PLEKHA7: variants seen among roughly 807,000 people sequenced by gnomAD.
The protein encoded by PLEKHA7 is pleckstrin homology domain containing A7, also known as pleckstrin homology domain-containing family A member 7.
Under a neutral mutation model 170.0 loss-of-function variants are expected in PLEKHA7, and 104 were observed. The observed-to-expected ratio is 0.61, with a 90% CI of 0.52 to 0.72. PLEKHA7 has a LOEUF of 0.72. PLEKHA7 is among the 30% of genes least tolerant of loss of function. The pLI, the probability that PLEKHA7 is intolerant of heterozygous loss-of-function variation, is 0.00. For synonymous variants in PLEKHA7, 648 were observed against 660.8 expected (o/e 0.98, Z 0.30); for missense variants, 1,615 against 1,671.7 (o/e 0.97, Z 0.59).
intron 3 of PLEKHA7, among the ~76,000 whole-genome samples, chr11:16,901,949 T>TA (rs2136050541): frequency 6.6e-6 from 1 of 152,248 alleles, no homozygotes; most frequent in South Asian, 2.1e-4. Context: ...CAATCAAATT[T>TA]AAAACATTTC....
In PLEKHA7 at chr11:16,803,213, C is replaced by T. The variant is rs1848717965; in HGVS notation, c.2076+14G>A. On this transcript the variant is annotated intron_variant, in intron 14 of 26. Transcript: ENST00000531066. ...AGGCAGCTGAGGGGTCAGCGTGTCA[C>T]TCTGCTCACTCACGTCAGTGTCGCT... 4 of 1,611,910 alleles carry T rather than the reference C, an allele frequency of 2.5e-6. No homozygotes were observed. The highest frequency in any genetic ancestry group is 1.3e-5 in the African/African-American group (1 of 75,006).
chr11:16,783,692 G>A lies in PLEKHA7; in HGVS notation c.3650+8C>T. On this transcript the variant is annotated splice_region_variant and intron_variant, in intron 25 of 26. Transcript: ENST00000531066. ...GACCTGCCAACACTTGAGCAAGCGAGGGCTGACCTTGACCGGGCGAGGATG... is the reference window on the plus strand; with the variant it reads ...GACCTGCCAACACTTGAGCAAGCGAAGGCTGACCTTGACCGGGCGAGGATG... The A allele has an allele frequency of 2.1e-6, 3 of 1,438,178 alleles. No homozygotes were observed. Among genetic ancestry groups the A allele is most frequent in the Non-Finnish European group, 2.7e-6 (3 of 1,096,512 alleles). The allele number at this position is 1,438,178 out of a possible 1,614,324, so 89.1% of individuals were successfully genotyped here. A position where few individuals can be genotyped will look rare whatever the true frequency, so the allele number is the denominator to read the frequency against.
intron 12 of PLEKHA7, among the ~76,000 whole-genome samples, chr11:16,813,669 G>A (rs978482728): frequency 4.6e-5 from 7 of 152,104 alleles, no homozygotes; most frequent in African/African-American, 1.7e-4. Context: ...GTCCCAATAC[G>A]ACCTTGGTTT....
chr11:16,836,663 C>T (rs1259182251), intron 9 of PLEKHA7, among the ~76,000 whole-genome samples: 3 of 152,142 alleles, frequency 2.0e-5, no homozygotes, highest in East Asian at 3.9e-4. Context: ...AAAAATAGAA[C>T]ATTTAATAAG....
At chr11:16,974,246 G>A (rs1438262675) in intron 3 of PLEKHA7, among the ~76,000 whole-genome samples, 1 of 145,158 alleles carries the variant, frequency 6.9e-6, no homozygotes, top group Non-Finnish European at 1.5e-5. Context: ...CAGCCTGGGT[G>A]ACAAAGGGAG....
chr11:16,861,624 T>G (rs1236089342), intron 4 of PLEKHA7, among the ~76,000 whole-genome samples: 1 of 152,082 alleles, frequency 6.6e-6, no homozygotes, highest in Non-Finnish European at 1.5e-5. Context: ...ACTCCAGCCT[T>G]GGCACAGAGC....
chr11:16,968,970 C>T (rs538872441), intron 3 of PLEKHA7, among the ~76,000 whole-genome samples: 2 of 152,258 alleles, frequency 1.3e-5, no homozygotes, highest in African/African-American at 4.8e-5. Flanking sequence ...CATTTAGGGC[C>T]TCAGTAAAAA....
At chr11:16,810,887 T>C (rs557295152) in intron 13 of PLEKHA7, among the ~76,000 whole-genome samples, 1 of 152,284 alleles carries the variant, frequency 6.6e-6, no homozygotes, top group South Asian at 2.1e-4. Flanking sequence ...CTGTGTAGGC[T>C]TGGGAAACTC....
At chr11:16,911,221 C>T (rs1858223533) in intron 3 of PLEKHA7, among the ~76,000 whole-genome samples, 1 of 152,172 alleles carries the variant, frequency 6.6e-6, no homozygotes. Context: ...ATCATCAGCA[C>T]CCCAGGTGTT....
chr11:16,906,428 C>G (rs7358486), intron 3 of PLEKHA7, among the ~76,000 whole-genome samples: 4 of 144,080 alleles, frequency 2.8e-5, no homozygotes, highest in Non-Finnish European at 5.9e-5. Flanking sequence ...CTGCCTGATT[C>G]TCCTGCCTCA....
chr11:16,843,348 A>C (rs1300280614), intron 8 of PLEKHA7, among the ~76,000 whole-genome samples: 1 of 152,268 alleles, frequency 6.6e-6, no homozygotes, highest in African/African-American at 2.4e-5. Context: ...ATGCTTCTGG[A>C]ATCACTAATG....
Position 16,817,062 on chromosome 11 carries a change from C to A in PLEKHA7, c.1604G>T (p.Gly535Val), listed in dbSNP as rs1301872695. The A allele has an allele frequency of 6.2e-7, 1 of 1,610,958 alleles. No homozygotes were observed. The highest frequency in any genetic ancestry group is 1.7e-5 in the Admixed American group (1 of 59,868). Residue 535 changes from glycine (G) to valine (V), a missense_variant, in exon 11 of 27, where the codon GGC (glycine) becomes GTC (valine). Gly to Val is a moderately radical substitution (Grantham distance 109, BLOSUM62 -3). Transcript: ENST00000531066. This position sits in a 1 kb window ranked among gnomAD's most constrained non-coding sequence, Gnocchi z 4.4. ...AAGGCAGATGGGCGCTGTGGGGCTG[C>A]CGTGCCGGAACTGCTGGCGCTGCTG... ...EWQQRQQFRH[G>V]SPTAPICLGS...
chr11:16,977,641 C>T (rs147266599), intron 3 of PLEKHA7, among the ~76,000 whole-genome samples: 275 of 152,216 alleles, frequency 1.8e-3, no homozygotes, highest in African/African-American at 6.4e-3. Context: ...GGTTAACGCC[C>T]ATCCTGCCCC....
intron 8 of PLEKHA7, among the ~76,000 whole-genome samples, chr11:16,844,291 C>T (rs148160358): frequency 4.6e-5 from 7 of 152,268 alleles, no homozygotes; most frequent in Admixed American, 2.0e-4. Context: ...TCCACCATTA[C>T]GAAGGAGTTA....
At chr11:16,783,027 C>T (rs1849152351) in intron 25 of PLEKHA7, 131 bp from the exon 26 acceptor site, 4 of 1,019,214 alleles carry the variant, frequency 3.9e-6, no homozygotes, top group Non-Finnish European at 5.6e-6. Context: ...GTACTTTCTC[C>T]CTAGACAAAG....
intron 3 of PLEKHA7, chr11:17,013,436 C>G (rs368124315): frequency 6.5e-5 from 10 of 152,940 alleles, no homozygotes; most frequent in South Asian, 2.1e-4. Context: ...TCCCCACCCC[C>G]TCCCTCCCCG....
chr11:16,875,298 T>C (rs745516148), intron 3 of PLEKHA7, among the ~76,000 whole-genome samples: 3 of 152,098 alleles, frequency 2.0e-5, no homozygotes, highest in Non-Finnish European at 4.4e-5. Context: ...TTTATCCCCA[T>C]GTTAAACATA....
chr11:16,803,124 C>G, intron 14 of PLEKHA7, 72 bp from the exon 15 acceptor site: 1 of 1,562,564 alleles, frequency 6.4e-7, no homozygotes, highest in Non-Finnish European at 8.8e-7. Context: ...TGCAATCAGA[C>G]AGCCTTTGGC....
rs1554964931 is a variant in PLEKHA7 at position 16,892,432 on chromosome 11, G to GTGTGTTTTGTTTTGTTTTGTTT, written c.222-21251_222-21250insAAACAAAACAAAACAAAACACA. Among the ~76,000 whole-genome samples, 109 of 115,020 alleles carry GTGTGTTTTGTTTTGTTTTGTTT rather than the reference G, an allele frequency of 9.5e-4. No individual in the cohort carries two copies. In the South Asian group the frequency reaches 9.8e-3, roughly 10 times the overall value. 75.5% of individuals were successfully genotyped at this position (115,020 alleles called of 152,430 possible). On this transcript the variant is annotated intron_variant, in intron 3 of 26. Coordinates refer to ENST00000531066, the MANE Select transcript of PLEKHA7 (RefSeq NM_001329630.2). ...TGTGTGTGTGTGTGTGTGTGTGTGT[G>GTGTGTTTTGTTTTGTTTTGTTT]TGTTTTGTTTTGTTTTGTTTTGTTT...
Sources: gnomAD v4.1 joint callset for allele counts (sites outside exome capture counted in the v4.1 genomes callset) on GRCh38, gnomAD v4.1.1 for gene constraint, Gnocchi (gnomAD v3.1) non-coding constraint, MANE v1.5 for transcripts, NCBI Gene and HGNC (gene_info 2026-07-23, HGNC 2026-07-21) for gene names.